Variants in RADIL observed in about 807,000 individuals in gnomAD.
RADIL encodes the protein Rap associating with DIL domain.
In RADIL, 99 loss-of-function variants were observed where a neutral mutation model predicts 97.6. That is an observed-to-expected ratio of 1.01 (90% CI 0.86 to 1.20). The LOEUF (loss-of-function observed/expected upper bound fraction) is 1.20, where lower values mean the gene tolerates loss of function less well. Among genes scored for constraint, RADIL ranks in the 50% most tolerant of loss-of-function variants. The pLI is 0.00. For synonymous variants in RADIL, 803 were observed against 691.8 expected (o/e 1.16, Z -2.52); for missense variants, 1,765 against 1,498.9 (o/e 1.18, Z -2.93).
In RADIL at chr7:4,827,433, G is replaced by A. The variant is rs529836716; in HGVS notation, c.1454+4708C>T. Among the ~76,000 whole-genome samples, 360 of 151,962 alleles carry A rather than the reference G, an allele frequency of 2.4e-3. 3 individuals are homozygous for A. The highest frequency in any genetic ancestry group is 8.3e-3 in the African/African-American group (346 of 41,438). Reference sequence around the variant, plus strand: ...CCAGCACTTTGGGAGGCCGAGGTGGGCGGGTCACCAGAGGTCAGGCGATCA... The same window carrying A: ...CCAGCACTTTGGGAGGCCGAGGTGGACGGGTCACCAGAGGTCAGGCGATCA... On this transcript the variant is annotated intron_variant, in intron 5 of 14. Coordinates refer to ENST00000399583, the MANE Select transcript of RADIL (RefSeq NM_018059.5).
At position 4,822,554 on chromosome 7, in the gene RADIL, G is replaced by T; in HGVS notation, c.1455C>A (p.Leu485=). 6.2e-7 allele frequency: 1 copy of T among 1,612,580 alleles called. No homozygotes were observed. Among genetic ancestry groups the T allele is most frequent in the Non-Finnish European group, 8.5e-7 (1 of 1,179,804 alleles). ...TKELAEKQAQ[L]QEPISLASCA... The stretch of plus-strand genomic sequence containing the variant: ...AGCTGGCCAGCGAGATGGGCTCCTG[G>T]CTACCAAGACAGAAAGACTAAGAGT... The change falls in exon 6 of 15, where the codon CTC becomes CTA. Residue 485 remains leucine, a splice_region_variant and synonymous_variant. Transcript: ENST00000399583. This position sits in a 1 kb window ranked among gnomAD's most constrained non-coding sequence, Gnocchi z 5.3.
chr7:4,833,655 C>A (rs902905727), intron 4 of RADIL, among the ~76,000 whole-genome samples: 7 of 152,208 alleles, frequency 4.6e-5, no homozygotes, highest in Non-Finnish European at 1.0e-4. Flanking sequence ...TCTACACAGT[C>A]AAGTGGTTCC....
intron 9 of RADIL, among the ~76,000 whole-genome samples, chr7:4,807,244 C>A (rs538732591): frequency 1.2e-4 from 18 of 152,130 alleles, no homozygotes; most frequent in Admixed American, 2.6e-4. Context: ...TCTCGGGCGT[C>A]GTGCAGGAGG....
At chr7:4,801,559 G>A in intron 12 of RADIL, 94 bp downstream of exon 12, 1 of 1,362,108 alleles carries the variant, frequency 7.3e-7, no homozygotes, top group Non-Finnish European at 9.9e-7. Context: ...AGGAAACCTA[G>A]GACCCAAGGG....
intron 2 of RADIL, among the ~76,000 whole-genome samples, chr7:4,843,911 CAAAAAA>C (rs36122253): frequency 1.0e-5 from 1 of 97,710 alleles, no homozygotes; most frequent in Non-Finnish European, 2.1e-5. Context: ...GACTCCATTT[CAAAAAA>C]AAAAAAAAAA....
At chr7:4,860,978 G>A (rs1447819547) in intron 2 of RADIL, 1 of 1,614,144 alleles carries the variant, frequency 6.2e-7, no homozygotes, top group Non-Finnish European at 8.5e-7. Flanking sequence ...TTCCCATTCT[G>A]AAAATACCAA....
In RADIL at chr7:4,837,685, T is replaced by G. The variant is rs902750508; in HGVS notation, c.536-1080A>C. 2 of 372,070 alleles carry G rather than the reference T, an allele frequency of 5.4e-6. No homozygotes were observed. The highest frequency in any genetic ancestry group is 4.4e-5 in the African/African-American group (2 of 45,082). The allele number at this position is 372,070 out of a possible 1,614,324, so 23.0% of individuals were successfully genotyped here. On this transcript the variant is annotated intron_variant, in intron 2 of 14. Coordinates refer to ENST00000399583, the MANE Select transcript of RADIL (RefSeq NM_018059.5). The surrounding 1 kb of genome is among the most constrained non-coding windows in gnomAD (Gnocchi z 5.6). ...CCAACACACATGCACCCACACACAT[T>G]AACACATACATGCACACAAACATGC...
At chr7:4,874,871 A>G (rs549345676) in intron 2 of RADIL, among the ~76,000 whole-genome samples, 3 of 152,194 alleles carry the variant, frequency 2.0e-5, no homozygotes, top group Admixed American at 6.5e-5. Context: ...CAGCCTGGCC[A>G]ACATGGTGAA....
intron 2 of RADIL, among the ~76,000 whole-genome samples, chr7:4,877,263 C>T (rs911102961): frequency 3.3e-5 from 5 of 152,088 alleles, no homozygotes; most frequent in African/African-American, 1.2e-4. Context: ...GGTATCACAG[C>T]GAGACTCCTG....
intron 9 of RADIL, among the ~76,000 whole-genome samples, chr7:4,806,800 G>A (rs892903145): frequency 6.6e-6 from 1 of 152,318 alleles, no homozygotes; most frequent in East Asian, 1.9e-4. Context: ...AGAACTCCAG[G>A]CGGGAGGGCG....
intron 5 of RADIL, among the ~76,000 whole-genome samples, chr7:4,828,759 G>A (rs1452590830): frequency 2.6e-5 from 4 of 152,208 alleles, no homozygotes; most frequent in African/African-American, 7.2e-5. Context: ...AAGCCCCCCA[G>A]GCATGCAAGA....
Position 4,878,290 on chromosome 7 carries a change from TC to T in RADIL, c.-64-88del. ...CACAGGCGGTGACTCCTGCCCGTCA[TC>T]CCAGCGCTTTAGAAGGCCAAGGTGG... is the stretch of plus-strand genomic sequence containing the variant. On this transcript the variant is annotated intron_variant, in intron 1 of 14. Coordinates refer to ENST00000399583, the MANE Select transcript of RADIL (RefSeq NM_018059.5). This position sits in a 1 kb window ranked among gnomAD's most constrained non-coding sequence, Gnocchi z 4.1. The T allele has an allele frequency of 2.3e-6, 2 of 859,896 alleles. No homozygotes were observed. The highest frequency in any genetic ancestry group is 3.5e-6 in the Non-Finnish European group (2 of 577,492). The allele number at this position is 859,896 out of a possible 1,614,324, so 53.3% of individuals were successfully genotyped here.
intron 11 of RADIL, 51 bp downstream of exon 11, chr7:4,803,495 C>T: frequency 2.8e-6 from 4 of 1,446,324 alleles, no homozygotes; most frequent in Non-Finnish European, 3.7e-6. Context: ...GCTGGGTCCC[C>T]TCCCCGGGCA....
At chr7:4,826,320 C>T (rs999044820) in intron 5 of RADIL, among the ~76,000 whole-genome samples, 13 of 151,664 alleles carry the variant, frequency 8.6e-5, no homozygotes, top group Admixed American at 6.6e-5. Flanking sequence ...AATGAAAGCC[C>T]GGAAGTGAGG....
intron 9 of RADIL, among the ~76,000 whole-genome samples, chr7:4,810,351 A>G (rs1479158082): frequency 6.6e-6 from 1 of 151,902 alleles, no homozygotes; most frequent in African/African-American, 2.4e-5. Context: ...TGGAAAGATG[A>G]TGTGGGGTGG....
rs559340877 is a variant in RADIL at position 4,834,728 on chromosome 7, T to A, written c.1295A>T (p.His432Leu). 7.1e-7 allele frequency: 1 copy of A among 1,410,716 alleles called. No individual in the cohort carries two copies. The allele number at this position is 1,410,716 out of a possible 1,614,324, so 87.4% of individuals were successfully genotyped here. ...MTLIEPGGDD[H>L]KLTPAFLLCL... is the part of the protein sequence containing the mutation. ...CAGGAGGAAGGCGGGGGTCAGCTTG[T>A]GGTCGTCGCCCCCCGGCTCGATCAA... Residue 432 changes from histidine (H) to leucine (L), a missense_variant, in exon 4 of 15, where the codon CAC becomes CTC. Physicochemically the swap from His to Leu is moderately conservative, Grantham distance 99. Transcript: ENST00000399583. This position sits in a 1 kb window ranked among gnomAD's most constrained non-coding sequence, Gnocchi z 6.0.
chr7:4,829,817 A>G (rs1057367805), intron 5 of RADIL, among the ~76,000 whole-genome samples: 2 of 152,006 alleles, frequency 1.3e-5, no homozygotes, highest in East Asian at 1.9e-4. Flanking sequence ...GCCTTCTGCC[A>G]TGATTGTGAG....
intron 2 of RADIL, among the ~76,000 whole-genome samples, chr7:4,863,669 C>G (rs1339870302): frequency 6.6e-6 from 1 of 152,222 alleles, no homozygotes; most frequent in Non-Finnish European, 1.5e-5. Context: ...TTTTCCCACC[C>G]AAGTCAAGAG....
chr7:4,865,697 C>T (rs1159157502), intron 2 of RADIL: 1 of 992,504 alleles, frequency 1.0e-6, no homozygotes, highest in Non-Finnish European at 1.6e-6. Flanking sequence ...AAATTGGCAG[C>T]ATCTGTGATT....
Sources: allele counts gnomAD v4.1 joint callset (sites outside exome capture counted in the v4.1 genomes callset), GRCh38; gene constraint gnomAD v4.1.1; non-coding constraint Gnocchi (gnomAD v3.1); transcripts MANE v1.5; gene names NCBI Gene and HGNC (gene_info 2026-07-23, HGNC 2026-07-21).